The following GDAP2 variants were observed in gnomAD, a reference collection of about 807,000 sequenced individuals.
GDAP2 encodes ganglioside-induced differentiation-associated protein 2.
In GDAP2, 51 loss-of-function variants were observed where a neutral mutation model predicts 67.0. The observed-to-expected ratio is 0.76, with a 90% CI of 0.61 to 0.96. The LOEUF (loss-of-function observed/expected upper bound fraction) is 0.96, where lower values mean the gene tolerates loss of function less well. Among genes scored for constraint, GDAP2 ranks in the 40% least tolerant of loss-of-function variants. GDAP2 has a pLI of 0.00. For synonymous variants in GDAP2, 203 were observed against 207.3 expected, an observed-to-expected ratio of 0.98 and a Z score of 0.18; for missense variants, 547 against 588.3, an observed-to-expected ratio of 0.93 and a Z score of 0.73.
intron 8 of GDAP2, among the ~76,000 whole-genome samples, chr1:117,893,156 G>C (rs1354048226): frequency 6.6e-6 from 1 of 152,114 alleles, no homozygotes; most frequent in African/African-American, 2.4e-5. Context: ...TGAGAAAAAT[G>C]ACATAAGAGT....
chr1:117,870,554 C>T lies in GDAP2; in HGVS notation c.*15G>A, dbSNP rs866735599. ...GTGGCATCCTGGGAACCAAGAAGCA[C>T]TGAAAGATGGCAGGTCACAAATCTG... On this transcript the variant is annotated 3_prime_UTR_variant, in exon 14 of 14. Transcript: ENST00000369443. 1.9e-6 allele frequency: 3 copies of T among 1,559,548 alleles called. No individual in the cohort carries two copies. The highest frequency in any genetic ancestry group is 2.7e-5 in the African/African-American group (2 of 73,764).
intron 1 of GDAP2, 102 bp from the exon 2 acceptor site, chr1:117,920,526 T>A: frequency 6.5e-6 from 3 of 460,324 alleles, no homozygotes; most frequent in Non-Finnish European, 7.9e-6. Context: ...ATCCCAATAG[T>A]ATATTGTGTG....
chr1:117,889,296 T>C (rs867385454), intron 8 of GDAP2, among the ~76,000 whole-genome samples: 2 of 151,636 alleles, frequency 1.3e-5, no homozygotes, highest in African/African-American at 4.9e-5. Flanking sequence ...AACATATCCA[T>C]TATCTCACAT....
intron 12 of GDAP2, among the ~76,000 whole-genome samples, chr1:117,878,365 A>G (rs1648538136): frequency 1.3e-5 from 2 of 152,250 alleles, no homozygotes; most frequent in Admixed American, 1.3e-4. Context: ...ACTAGAGACT[A>G]TAAGAAGAAT....
intron 9 of GDAP2, among the ~76,000 whole-genome samples, chr1:117,887,395 T>G (rs1175283346): frequency 6.6e-6 from 1 of 152,130 alleles, no homozygotes; most frequent in Non-Finnish European, 1.5e-5. Context: ...CTCCATCATA[T>G]ATTTACGTAA....
At chr1:117,892,519 A>G (rs891295661) in intron 8 of GDAP2, among the ~76,000 whole-genome samples, 13 of 152,182 alleles carry the variant, frequency 8.5e-5, no homozygotes, top group African/African-American at 2.9e-4. Context: ...TCCTATATAG[A>G]GTACTTTCTT....
intron 6 of GDAP2, among the ~76,000 whole-genome samples, chr1:117,900,590 A>G (rs1312068894): frequency 6.6e-6 from 1 of 151,980 alleles, no homozygotes; most frequent in Non-Finnish European, 1.5e-5. Context: ...ACATGGTGAA[A>G]CCCCGTCTCT....
chr1:117,922,024 G>A (rs1282231093), intron 1 of GDAP2, among the ~76,000 whole-genome samples: 3 of 151,898 alleles, frequency 2.0e-5, no homozygotes, highest in Non-Finnish European at 2.9e-5. Flanking sequence ...TAGGTTGTAG[G>A]GTAGAGTGAT....
At chr1:117,874,460 G>T (rs1648389241) in intron 13 of GDAP2, among the ~76,000 whole-genome samples, 1 of 152,128 alleles carries the variant, frequency 6.6e-6, no homozygotes, top group Admixed American at 6.5e-5. Flanking sequence ...AGTAGATGCT[G>T]GTGTGATGCT....
intron 10 of GDAP2, among the ~76,000 whole-genome samples, chr1:117,886,305 A>T (rs1250056710): frequency 6.6e-6 from 1 of 152,156 alleles, no homozygotes; most frequent in Non-Finnish European, 1.5e-5. Flanking sequence ...GATTCCAACC[A>T]CTTACTAGTT....
intron 6 of GDAP2, among the ~76,000 whole-genome samples, chr1:117,901,007 C>T (rs1649450480): frequency 6.6e-6 from 1 of 151,966 alleles, no homozygotes; most frequent in Admixed American, 6.6e-5. Context: ...TTGTAGTGAG[C>T]CGAGATCGTG....
At chr1:117,872,078 T>A (rs1055237745) in intron 13 of GDAP2, among the ~76,000 whole-genome samples, 2 of 151,848 alleles carry the variant, frequency 1.3e-5, no homozygotes, top group Non-Finnish European at 2.9e-5. Context: ...CCAACAAACA[T>A]ATTAAAAAAA....
At chr1:117,928,956 A>G (rs1281511245) in intron 1 of GDAP2, among the ~76,000 whole-genome samples, 1 of 152,112 alleles carries the variant, frequency 6.6e-6, no homozygotes, top group African/African-American at 2.4e-5. Flanking sequence ...CTTCCCCCTC[A>G]AGCGGCCAGA....
chr1:117,909,379 T>A (rs1257587671), intron 5 of GDAP2, among the ~76,000 whole-genome samples: 1 of 151,982 alleles, frequency 6.6e-6, no homozygotes, highest in African/African-American at 2.4e-5. Flanking sequence ...AAACTGCACA[T>A]GAACTAAGAA....
chr1:117,925,827 G>A (rs553037784), intron 1 of GDAP2, among the ~76,000 whole-genome samples: 2 of 152,298 alleles, frequency 1.3e-5, no homozygotes, highest in South Asian at 4.1e-4. Flanking sequence ...CTGCATAGGA[G>A]AACAATTACC....
Position 117,896,935 on chromosome 1 carries a change from G to T in GDAP2, c.851C>A (p.Ser284Tyr), listed in dbSNP as rs758464567. ...TCCTTCCATTCGAGCAAAAGCATGA[G>T]AGCCAATGAAAGAGAGATCAACTCC... ...GLGVDLSFIG[S>Y]HAFARMEGDI... Residue 284 changes from serine to tyrosine, a missense_variant, in exon 8 of 14, where the codon TCT (serine) becomes TAT (tyrosine). Physicochemically the swap from Ser to Tyr is moderately radical, Grantham distance 144. Transcript: ENST00000369443. 1 of 1,612,102 alleles carries T rather than the reference G, an allele frequency of 6.2e-7. No homozygotes were observed. The highest frequency in any genetic ancestry group is 8.5e-7 in the Non-Finnish European group (1 of 1,178,528).
intron 1 of GDAP2, among the ~76,000 whole-genome samples, chr1:117,925,025 T>C (rs1345455564): frequency 6.6e-6 from 1 of 152,196 alleles, no homozygotes; most frequent in Non-Finnish European, 1.5e-5. Flanking sequence ...AGCTATAATC[T>C]AAAAACAAAT....
chr1:117,910,341 T>C (rs1570988173), intron 5 of GDAP2, among the ~76,000 whole-genome samples: 1 of 152,242 alleles, frequency 6.6e-6, no homozygotes, highest in African/African-American at 2.4e-5. Context: ...CTTTTAAAAA[T>C]ATATATTTCT....
chr1:117,912,644 T>C lies in GDAP2; in HGVS notation c.356A>G (p.Asn119Ser), dbSNP rs907442816. 4.3e-6 allele frequency: 7 copies of C among 1,613,560 alleles called. No homozygotes were observed. The highest frequency in any genetic ancestry group is 2.2e-5 in the East Asian group (1 of 44,886). Residue 119 changes from asparagine to serine, a missense_variant, in exon 4 of 14, where the codon AAT (asparagine) becomes AGT (serine). Coordinates refer to ENST00000369443, the MANE Select transcript of GDAP2 (RefSeq NM_017686.4). The stretch of plus-strand genomic sequence containing the variant: ...GTGAATGATGAACCGGGCAGCTAGA[T>C]TGAATCCTTTTGTCAATTTTGCTTC... ...TGEAKLTKGF[N>S]LAARFIIHTV...
Sources: gnomAD v4.1 joint callset for allele counts (sites outside exome capture counted in the v4.1 genomes callset) on GRCh38, gnomAD v4.1.1 for gene constraint, MANE v1.5 for transcripts, NCBI Gene and HGNC (gene_info 2026-07-23, HGNC 2026-07-21) for gene names.